The following PDE4D variants were observed in gnomAD, a reference collection of about 807,000 sequenced individuals.
PDE4D encodes phosphodiesterase 4D, also known as 3',5'-cyclic-AMP phosphodiesterase 4D.
Under a neutral mutation model 87.4 loss-of-function variants are expected in PDE4D, and 24 were observed. That is an observed-to-expected ratio of 0.27 (90% CI 0.20 to 0.39). PDE4D has a LOEUF of 0.39. Ranked by LOEUF, PDE4D falls within the 10% of genes least tolerant of loss-of-function variation. The pLI, the probability that PDE4D is intolerant of heterozygous loss-of-function variation, is 1.00. For missense variants in PDE4D, 714 were observed against 1,041.0 expected (o/e 0.69, Z 4.32); for synonymous variants, 384 against 383.2 (o/e 1.00, Z -0.02).
At chr5:59,629,075 A>G (rs1831249419) in intron 1 of PDE4D, among the ~76,000 whole-genome samples, 1 of 152,166 alleles carries the variant, frequency 6.6e-6, no homozygotes, top group East Asian at 1.9e-4. Context: ...TGCCACCATG[A>G]TTCAATTACC....
At chr5:59,896,593 G>C (rs1041181065), upstream of PDE4D, among the ~76,000 whole-genome samples, 4 of 152,154 alleles carry the variant, frequency 2.6e-5, no homozygotes, top group Non-Finnish European at 4.4e-5. Flanking sequence ...TCTAGGGGAG[G>C]ATCAAGGCAT....
intron 2 of PDE4D, among the ~76,000 whole-genome samples, chr5:60,118,710 T>C (rs774093612): frequency 1.3e-4 from 20 of 152,056 alleles, no homozygotes; most frequent in Non-Finnish European, 2.2e-4. Flanking sequence ...CATTTTTGCC[T>C]GACACTTACA....
At chr5:60,025,541 T>A (rs1302228249) in intron 2 of PDE4D, among the ~76,000 whole-genome samples, 1 of 152,152 alleles carries the variant, frequency 6.6e-6, no homozygotes, top group Admixed American at 6.5e-5. Context: ...GTAAAATGAT[T>A]TAGTAAAGCT....
chr5:59,944,341 T>C (rs1185844256), intron 3 of PDE4D, among the ~76,000 whole-genome samples: 6 of 152,306 alleles, frequency 3.9e-5, no homozygotes, highest in South Asian at 2.1e-4. Flanking sequence ...TAGGATTGTA[T>C]CTGGGCATGC....
At chr5:59,137,042 G>A (rs1041858017) in intron 5 of PDE4D, among the ~76,000 whole-genome samples, 16 of 152,096 alleles carry the variant, frequency 1.1e-4, no homozygotes, top group African/African-American at 3.9e-4. Flanking sequence ...CCTGCCTTGG[G>A]GCTGCTGCAG....
At chr5:59,934,482 C>G (rs1246214746) in intron 3 of PDE4D, among the ~76,000 whole-genome samples, 1 of 152,248 alleles carries the variant, frequency 6.6e-6, no homozygotes, top group African/African-American at 2.4e-5. Flanking sequence ...CCTGCATAAT[C>G]CCCAAAACTT....
Position 60,143,307 on chromosome 5 carries a change from G to GA in PDE4D, c.42+42249dup, listed in dbSNP as rs774624352. ...CAACATGCTTCACATTACTAACAGA[G>GA]AAACATCACTAAAATAATATTCTAT... On this transcript the variant is annotated intron_variant, in intron 2 of 16. Transcript: ENST00000502484. Among the ~76,000 whole-genome samples the GA allele has an allele frequency of 2.6e-4, 40 of 152,148 alleles. 1 individual carries two copies. The highest frequency in any genetic ancestry group is 1.4e-3 in the Admixed American group (22 of 15,272).
intron 2 of PDE4D, among the ~76,000 whole-genome samples, chr5:60,035,053 C>T (rs572596342): frequency 1.8e-3 from 270 of 152,140 alleles, no homozygotes; most frequent in Non-Finnish European, 3.2e-3. Context: ...GTCAGGAGTT[C>T]GAGACCAGCC....
intron 2 of PDE4D, among the ~76,000 whole-genome samples, chr5:60,019,045 C>T (rs1765788392): frequency 6.6e-6 from 1 of 152,142 alleles, no homozygotes; most frequent in African/African-American, 2.4e-5. Context: ...TTCTTGGTGC[C>T]ACAAGACAAC....
intron 1 of PDE4D, among the ~76,000 whole-genome samples, chr5:59,783,869 C>T (rs1342780602): frequency 2.0e-5 from 3 of 152,066 alleles, no homozygotes; most frequent in African/African-American, 7.2e-5. Flanking sequence ...GAGTTCAAGA[C>T]CAGCCTGGGC....
chr5:59,327,132 TACACAC>T (rs3061651), intron 1 of PDE4D, among the ~76,000 whole-genome samples: 45,951 of 141,624 alleles, frequency 0.32, 7,758 homozygotes, highest in Non-Finnish European at 0.38. Context: ...GAAACAGAAA[TACACAC>T]ACACACACAC....
intron 1 of PDE4D, among the ~76,000 whole-genome samples, chr5:59,812,911 G>A (rs1768528591): frequency 6.6e-6 from 1 of 152,192 alleles, no homozygotes; most frequent in African/African-American, 2.4e-5. Context: ...CTGCAAAGAA[G>A]GGGAACCGTT....
chr5:60,383,872 G>A (rs1192590807), intron 1 of PDE4D, among the ~76,000 whole-genome samples: 1 of 152,142 alleles, frequency 6.6e-6, no homozygotes, highest in Non-Finnish European at 1.5e-5. Context: ...AAAAAAAGTT[G>A]TATTCTCTCC....
At position 60,049,924 on chromosome 5, in the gene PDE4D, C is replaced by T. The variant is rs530511195; in HGVS notation, c.43-61207G>A. Among the ~76,000 whole-genome samples, 245 of 152,302 alleles carry T rather than the reference C, an allele frequency of 1.6e-3. 2 individuals carry two copies. Among genetic ancestry groups the T allele is most frequent in the Non-Finnish European group, 1.3e-3 (86 of 68,018 alleles). ...TTGAGCTTCCTGGCTGCTTTGTTTA[C>T]GTAAGCAAGCCTGGGCAATGGTGGG... On this transcript the variant is annotated intron_variant, in intron 2 of 16. Coordinates refer to the PDE4D transcript ENST00000502484.
chr5:59,570,447 T>C (rs977102173), intron 1 of PDE4D, among the ~76,000 whole-genome samples: 2 of 152,126 alleles, frequency 1.3e-5, no homozygotes, highest in African/African-American at 2.4e-5. Flanking sequence ...CAGGAAAATA[T>C]GTAAAGTAAT....
At chr5:59,076,463 A>T (rs900052633) in intron 5 of PDE4D, among the ~76,000 whole-genome samples, 1 of 152,182 alleles carries the variant, frequency 6.6e-6, no homozygotes, top group Non-Finnish European at 1.5e-5. Context: ...AACAGAAAAA[A>T]TAGTTAATGC....
intron 1 of PDE4D, among the ~76,000 whole-genome samples, chr5:59,303,231 G>A (rs1770623042): frequency 6.6e-6 from 1 of 151,870 alleles, no homozygotes; most frequent in African/African-American, 2.4e-5. Flanking sequence ...CTTTTTGATG[G>A]GATTGTTTGT....
intron 1 of PDE4D, among the ~76,000 whole-genome samples, chr5:60,222,482 T>G (rs2149600402): frequency 6.6e-6 from 1 of 152,270 alleles, no homozygotes; most frequent in Middle Eastern, 3.4e-3. Context: ...TTGTGCTAAT[T>G]TGTTATCCAG....
At chr5:59,275,333 G>T (rs761313769) in intron 1 of PDE4D, 2 of 1,591,346 alleles carry the variant, frequency 1.3e-6, no homozygotes, top group Admixed American at 3.4e-5. Flanking sequence ...AGAAAAGAAC[G>T]TTACCAAACT....
Sources: allele counts gnomAD v4.1 joint callset (sites outside exome capture counted in the v4.1 genomes callset), GRCh38; gene constraint gnomAD v4.1.1; transcripts MANE v1.5; gene names NCBI Gene and HGNC (gene_info 2026-07-23, HGNC 2026-07-21).